NTRK2: variants seen among roughly 807,000 people sequenced by gnomAD.
The protein encoded by NTRK2 is neurotrophic receptor tyrosine kinase 2, also known as BDNF/NT-3 growth factors receptor.
NTRK2 carries 13 observed loss-of-function variants against 94.5 expected under a neutral mutation model. The ratio of observed to expected loss-of-function variants is 0.14; its 90% CI spans 0.09 to 0.22. The LOEUF (loss-of-function observed/expected upper bound fraction) is 0.22, where lower values mean the gene tolerates loss of function less well. Ranked by LOEUF, NTRK2 falls within the 10% of genes least tolerant of loss-of-function variation. The pLI is 1.00. For synonymous variants in NTRK2, 372 were observed against 407.4 expected (o/e 0.91, Z 1.05); for missense variants, 639 against 1,071.2 (o/e 0.60, Z 5.63).
intron 14 of NTRK2, chr9:84,874,919 T>C: frequency 3.8e-6 from 4 of 1,055,944 alleles, no homozygotes; most frequent in Non-Finnish European, 4.6e-6. Flanking sequence ...TTTTTGCTAG[T>C]AAGATAGGAT....
chr9:85,015,327 A>G (rs1038633057), intron 17 of NTRK2, among the ~76,000 whole-genome samples: 12 of 152,132 alleles, frequency 7.9e-5, no homozygotes, highest in Non-Finnish European at 1.5e-4. Flanking sequence ...CTCCTTGTGA[A>G]CCACAGTAGA....
chr9:84,934,377 C>T (rs2132723362), intron 15 of NTRK2, 85 bp downstream of exon 15: 3 of 1,438,356 alleles, frequency 2.1e-6, no homozygotes, highest in East Asian at 2.3e-5. Flanking sequence ...ATTTTGGTGG[C>T]CAATGCAGGA....
At chr9:84,753,115 C>T (rs1157607605) in intron 12 of NTRK2, among the ~76,000 whole-genome samples, 1 of 152,128 alleles carries the variant, frequency 6.6e-6, no homozygotes, top group African/African-American at 2.4e-5. Flanking sequence ...TGCCTGTGAA[C>T]ATTTCTAAGC....
rs1386767556 is a variant in NTRK2 at position 84,718,457 on chromosome 9, G to T, written c.584-5116G>T. On this transcript the variant is annotated intron_variant, in intron 6 of 18. Coordinates refer to ENST00000277120, the MANE Select transcript of NTRK2 (RefSeq NM_006180.6). The stretch of plus-strand genomic sequence containing the variant: ...GTAAAGAAAAGCTTTGGGAAGCTTT[G>T]GTGTAAAGAAAGTCAACATTTTCAC... Among the ~76,000 whole-genome samples the T allele has an allele frequency of 2.0e-5, 3 of 152,050 alleles. No individual in the cohort carries two copies. In the East Asian group the frequency reaches 5.8e-4, roughly 29 times the overall value.
intron 15 of NTRK2, among the ~76,000 whole-genome samples, chr9:84,944,215 TCA>T (rs56021326): frequency 0.052 from 6,186 of 120,092 alleles, 443 homozygotes; most frequent in African/African-American, 0.17. Context: ...TCTCTCTCTC[TCA>T]CACACACACA....
chr9:84,763,661 T>A (rs964216775), intron 12 of NTRK2, among the ~76,000 whole-genome samples: 2 of 152,146 alleles, frequency 1.3e-5, no homozygotes, highest in Non-Finnish European at 2.9e-5. Context: ...GGACACAGTG[T>A]CCTAAAACCA....
At chr9:84,832,954 C>A (rs1239391018) in intron 12 of NTRK2, among the ~76,000 whole-genome samples, 1 of 152,146 alleles carries the variant, frequency 6.6e-6, no homozygotes, top group Non-Finnish European at 1.5e-5. Context: ...CTCCTGCACA[C>A]TCTATGGAGC....
intron 12 of NTRK2, among the ~76,000 whole-genome samples, chr9:84,846,244 G>A (rs2074464620): frequency 6.6e-6 from 1 of 152,206 alleles, no homozygotes; most frequent in Non-Finnish European, 1.5e-5. Context: ...TTTACCCTTT[G>A]AAAGTACATA....
intron 12 of NTRK2, among the ~76,000 whole-genome samples, chr9:84,755,365 T>A (rs755289241): frequency 6.6e-6 from 1 of 152,142 alleles, no homozygotes; most frequent in Non-Finnish European, 1.5e-5. Context: ...TGGCGCTCAA[T>A]ACATATTAAC....
intron 14 of NTRK2, among the ~76,000 whole-genome samples, chr9:84,883,635 A>G (rs1164493546): frequency 6.6e-6 from 1 of 152,250 alleles, no homozygotes; most frequent in East Asian, 1.9e-4. Flanking sequence ...ATGGGTCACC[A>G]AATAGCGGAT....
chr9:84,675,323 C>CTTTTTTTTTTTTTTT (rs1564023863), intron 2 of NTRK2, among the ~76,000 whole-genome samples: 1 of 69,558 alleles, frequency 1.4e-5, no homozygotes, highest in African/African-American at 5.6e-5. Flanking sequence ...TTCTTTCTTT[C>CTTTTTTTTTTTTTTT]CTTTTTTTTT....
At chr9:84,870,652 T>C (rs1238284775) in intron 14 of NTRK2, among the ~76,000 whole-genome samples, 1 of 151,916 alleles carries the variant, frequency 6.6e-6, no homozygotes, top group African/African-American at 2.4e-5. Context: ...TTGAATATTT[T>C]TTACAAATGA....
At position 84,669,938 on chromosome 9, in the gene NTRK2, C is replaced by T. The variant is rs978168451; in HGVS notation, c.-373+50C>T. On this transcript the variant is annotated intron_variant, in intron 1 of 18. Coordinates refer to ENST00000277120, the MANE Select transcript of NTRK2 (RefSeq NM_006180.6). The surrounding 1 kb of genome is among the most constrained non-coding windows in gnomAD (Gnocchi z 4.1). ...GGTCGCCTCGGCCCTCACTGTCTCC[C>T]CCTGGGGCGGCCTCGGCTACTCCCC... 2 of 152,572 alleles carry T rather than the reference C, an allele frequency of 1.3e-5. No individual in the cohort carries two copies. 9.5% of individuals were successfully genotyped at this position (152,572 alleles called of 1,614,324 possible). A position where few individuals can be genotyped will look rare whatever the true frequency, so the allele number is the denominator to read the frequency against.
At chr9:84,772,724 C>T (rs2066676250) in intron 12 of NTRK2, among the ~76,000 whole-genome samples, 1 of 152,128 alleles carries the variant, frequency 6.6e-6, no homozygotes, top group African/African-American at 2.4e-5. Flanking sequence ...ACAGCAGAGT[C>T]CACCCTCCAG....
At chr9:84,761,138 T>G (rs2065527567) in intron 12 of NTRK2, among the ~76,000 whole-genome samples, 1 of 152,228 alleles carries the variant, frequency 6.6e-6, no homozygotes, top group Non-Finnish European at 1.5e-5. Flanking sequence ...TTTAGTGGCC[T>G]GAGGACAAAG....
intron 4 of NTRK2, among the ~76,000 whole-genome samples, chr9:84,706,527 G>GTTTTT (rs71369141): frequency 5.9e-4 from 48 of 81,646 alleles, no homozygotes; most frequent in African/African-American, 6.7e-4. Context: ...TTTTGTTTTT[G>GTTTTT]TTTTTTTTTT....
chr9:84,958,505 T>A (rs1357615516), intron 17 of NTRK2, among the ~76,000 whole-genome samples: 1 of 152,206 alleles, frequency 6.6e-6, no homozygotes, highest in Non-Finnish European at 1.5e-5. Flanking sequence ...TGTTACATGA[T>A]CTTGGAACTG....
intron 2 of NTRK2, among the ~76,000 whole-genome samples, chr9:84,688,725 C>T (rs2059867619): frequency 6.6e-6 from 1 of 152,154 alleles, no homozygotes; most frequent in Non-Finnish European, 1.5e-5. Context: ...TTTACTGGGA[C>T]CCCTGGAGGA....
chr9:84,802,401 C>G (rs1036391138), intron 12 of NTRK2, among the ~76,000 whole-genome samples: 3 of 152,166 alleles, frequency 2.0e-5, no homozygotes, highest in Admixed American at 6.5e-5. Context: ...TTCCTGCGCT[C>G]CAACATGAAG....
Sources: allele counts gnomAD v4.1 joint callset (sites outside exome capture counted in the v4.1 genomes callset), GRCh38; gene constraint gnomAD v4.1.1; non-coding constraint Gnocchi (gnomAD v3.1); transcripts MANE v1.5; gene names NCBI Gene and HGNC (gene_info 2026-07-23, HGNC 2026-07-21).